Variants in VAT1L observed in about 807,000 individuals in gnomAD.
The protein encoded by VAT1L is putative NADPH-dependent quinone oxidoreductase VAT1L.
A neutral mutation model predicts 44.1 loss-of-function variants in VAT1L; 34 were observed. The ratio of observed to expected loss-of-function variants is 0.77; its 90% CI spans 0.59 to 1.03. The LOEUF (loss-of-function observed/expected upper bound fraction) is 1.03. VAT1L is among the 50% of genes least tolerant of loss of function. VAT1L has a pLI of 0.00. For missense variants in VAT1L, 615 were observed against 538.8 expected, an observed-to-expected ratio of 1.14 and a Z score of -1.40; for synonymous variants, 253 against 202.2, an observed-to-expected ratio of 1.25 and a Z score of -2.13.
rs531862946 is a variant in VAT1L at position 77,819,305 on chromosome 16, G to C, written c.363+2255G>C. On this transcript the variant is annotated intron_variant, in intron 2 of 8. Coordinates refer to ENST00000302536, the MANE Select transcript of VAT1L (RefSeq NM_020927.3). ...TGTGTCTTTGGGTTTTCGTGATTCT[G>C]TGAAGAACAGGATGCTAGTATTAGA... Among the ~76,000 whole-genome samples, 47 of 152,236 alleles carry C rather than the reference G, an allele frequency of 3.1e-4. 1 individual carries two copies. In the Middle Eastern group the frequency reaches 0.01, roughly 33 times the overall value.
At chr16:77,827,941 TA>T (rs1195570272) in intron 3 of VAT1L, among the ~76,000 whole-genome samples, 2 of 152,146 alleles carry the variant, frequency 1.3e-5, no homozygotes, top group Non-Finnish European at 2.9e-5. Context: ...TGAGAGCATA[TA>T]TTCTTGGGCC....
intron 3 of VAT1L, among the ~76,000 whole-genome samples, chr16:77,830,645 G>T (rs113947941): frequency 1.1e-4 from 16 of 152,292 alleles, no homozygotes; most frequent in African/African-American, 3.6e-4. Flanking sequence ...ATGATTAGGA[G>T]GCCTCCCAGC....
chr16:77,810,620 T>C (rs1377661142), intron 1 of VAT1L, among the ~76,000 whole-genome samples: 4 of 152,008 alleles, frequency 2.6e-5, no homozygotes, highest in East Asian at 1.9e-4. Context: ...CAGTGAGCCA[T>C]GTTCACGCCT....
rs2016676950 is a variant in VAT1L, at chr16:77,839,311, A to G, written c.579+13850A>G. On this transcript the variant is annotated intron_variant, in intron 3 of 8. Transcript: ENST00000302536. ...AGCACTTTGGGAGGCCGAGACGGGC[A>G]GATCACGAGGTCAGGAGATGGAGAC... Among the ~76,000 whole-genome samples the G allele has an allele frequency of 2.0e-5, 3 of 152,028 alleles. No homozygotes were observed. The South Asian group carries it at 6.2e-4, about 32-fold the overall frequency.
intron 7 of VAT1L, among the ~76,000 whole-genome samples, chr16:77,886,740 TC>T (rs2017213331): frequency 6.6e-6 from 1 of 152,162 alleles, no homozygotes; most frequent in South Asian, 2.1e-4. Flanking sequence ...CGTAATAAGT[TC>T]TTAGAAAGAG....
chr16:77,962,118 T>C (rs1278434636), intron 7 of VAT1L, among the ~76,000 whole-genome samples: 1 of 152,076 alleles, frequency 6.6e-6, no homozygotes, highest in Admixed American at 6.5e-5. Context: ...CTGTGTCCTG[T>C]AGCCAGACCC....
chr16:77,800,641 C>T (rs1230408379), intron 1 of VAT1L: 1 of 152,188 alleles, frequency 6.6e-6, no homozygotes, highest in Non-Finnish European at 1.5e-5. Flanking sequence ...ACTAAAGCCA[C>T]CCAGAATATG....
intron 7 of VAT1L, among the ~76,000 whole-genome samples, chr16:77,966,332 G>A (rs1049127875): frequency 6.6e-5 from 10 of 152,146 alleles, no homozygotes; most frequent in Admixed American, 1.3e-4. Context: ...AAGTGCTTGG[G>A]CGAGACTGTG....
chr16:77,816,887 T>G, intron 1 of VAT1L, 34 bp from the exon 2 acceptor site: 1 of 1,561,442 alleles, frequency 6.4e-7, no homozygotes, highest in East Asian at 2.3e-5. Flanking sequence ...GATCTCATTT[T>G]GAATTTCTCT....
chr16:77,886,879 T>C (rs1186676224), intron 7 of VAT1L, among the ~76,000 whole-genome samples: 1 of 152,226 alleles, frequency 6.6e-6, no homozygotes, highest in Non-Finnish European at 1.5e-5. Context: ...CCTAATAAAC[T>C]CATGAAGTTT....
At chr16:77,959,773 G>A (rs1325382307) in intron 7 of VAT1L, among the ~76,000 whole-genome samples, 1 of 152,198 alleles carries the variant, frequency 6.6e-6, no homozygotes, top group Non-Finnish European at 1.5e-5. Context: ...GCCCAAGTGT[G>A]AAGGAACTAA....
Position 77,825,327 on chromosome 16 carries a change from A to G in VAT1L, c.445A>G (p.Ile149Val), listed in dbSNP as rs2145246253. 3.1e-6 allele frequency: 5 copies of G among 1,614,178 alleles called. No homozygotes were observed. The South Asian group carries it at 3.3e-5, about 11-fold the overall frequency. Residue 149 changes from isoleucine (I) to valine (V), a missense_variant, in exon 3 of 9, where the codon ATC becomes GTC. Ile to Val is a conservative substitution (Grantham distance 29, BLOSUM62 3). Transcript: ENST00000302536. The part of the protein sequence containing the change: ...VCTPVEFVYK[I>V]PDDMSFSEAA... ...CACACCAGTGGAGTTTGTCTACAAG[A>G]TCCCGGATGACATGAGCTTCTCCGA...
intron 7 of VAT1L, among the ~76,000 whole-genome samples, chr16:77,929,507 G>A (rs957296529): frequency 6.6e-6 from 1 of 152,112 alleles, no homozygotes; most frequent in Non-Finnish European, 1.5e-5. Flanking sequence ...GTATTCCAGA[G>A]AACATTTAAA....
chr16:77,912,656 G>T (rs985106536), intron 7 of VAT1L, among the ~76,000 whole-genome samples: 1 of 152,166 alleles, frequency 6.6e-6, no homozygotes, highest in Non-Finnish European at 1.5e-5. Context: ...CAAACATGTT[G>T]CTATTTCTCC....
chr16:77,957,710 C>T (rs1289089080), intron 7 of VAT1L, among the ~76,000 whole-genome samples: 4 of 150,708 alleles, frequency 2.7e-5, no homozygotes, highest in African/African-American at 4.9e-5. Context: ...GGCGACAGAA[C>T]GAGACTCTGT....
intron 7 of VAT1L, among the ~76,000 whole-genome samples, chr16:77,935,707 G>C (rs1037096226): frequency 1.9e-4 from 29 of 152,248 alleles, no homozygotes; most frequent in Admixed American, 5.9e-4. Context: ...ATTGCTGACT[G>C]CAGGGTTGCA....
intron 3 of VAT1L, among the ~76,000 whole-genome samples, chr16:77,860,953 C>A (rs2016908862): frequency 6.6e-6 from 1 of 152,158 alleles, no homozygotes; most frequent in Non-Finnish European, 1.5e-5. Context: ...TAAGTGGAAA[C>A]CAGGAGACCT....
At chr16:77,791,066 C>A (rs572811795) in intron 1 of VAT1L, among the ~76,000 whole-genome samples, 6 of 152,320 alleles carry the variant, frequency 3.9e-5, no homozygotes, top group Middle Eastern at 3.4e-3. Context: ...TTTCACCAAG[C>A]TGGAAGCAGA....
intron 7 of VAT1L, among the ~76,000 whole-genome samples, chr16:77,962,221 C>G (rs2018167297): frequency 6.6e-6 from 1 of 152,126 alleles, no homozygotes; most frequent in Admixed American, 6.5e-5. Context: ...AGAGTCCCAC[C>G]CACACCACCA....
Sources: allele counts gnomAD v4.1 joint callset (sites outside exome capture counted in the v4.1 genomes callset), GRCh38; gene constraint gnomAD v4.1.1; transcripts MANE v1.5; gene names NCBI Gene and HGNC (gene_info 2026-07-23, HGNC 2026-07-21).